Variants in MBNL2 observed in about 807,000 individuals in gnomAD.
The protein encoded by MBNL2 is muscleblind-like protein 2.
A neutral mutation model predicts 41.9 loss-of-function variants in MBNL2; 17 were observed. The observed-to-expected ratio is 0.41, with a 90% CI of 0.28 to 0.61. The LOEUF is 0.61. Ranked by LOEUF, MBNL2 falls within the 20% of genes least tolerant of loss-of-function variation. MBNL2 has a pLI of 0.35. For missense variants in MBNL2, 336 were observed against 505.6 expected, an observed-to-expected ratio of 0.66 and a Z score of 3.22; for synonymous variants, 195 against 182.9, an observed-to-expected ratio of 1.07 and a Z score of -0.53.
chr13:97,265,837 C>G (rs1324728802), intron 1 of MBNL2, among the ~76,000 whole-genome samples: 1 of 152,050 alleles, frequency 6.6e-6, no homozygotes, highest in Non-Finnish European at 1.5e-5. Context: ...TCAGATAGAG[C>G]AGGTGACATC....
At chr13:97,340,063 G>A (rs2061326953) in intron 3 of MBNL2, among the ~76,000 whole-genome samples, 1 of 152,198 alleles carries the variant, frequency 6.6e-6, no homozygotes, top group Admixed American at 6.5e-5. Context: ...CACCTGGAAG[G>A]CTGAGCAATT....
chr13:97,334,203 T>A lies in MBNL2; in HGVS notation c.175-73T>A. The A allele has an allele frequency of 8.5e-7, 1 of 1,170,764 alleles. No individual in the cohort carries two copies. The highest frequency in any genetic ancestry group is 1.2e-6 in the Non-Finnish European group (1 of 814,008). The allele number at this position is 1,170,764 out of a possible 1,614,324, so 72.5% of individuals were successfully genotyped here. ...GATCCTTGCTTTTGTGCATAAGAAG[T>A]GATTGTTCAGTGGTTGACTTTGGAG... On this transcript the variant is annotated intron_variant, in intron 2 of 8. Transcript: ENST00000679496. The surrounding 1 kb of genome is among the most constrained non-coding windows in gnomAD (Gnocchi z 5.3).
chr13:97,257,027 G>GCCA (rs1422707468), intron 1 of MBNL2, among the ~76,000 whole-genome samples: 2 of 152,154 alleles, frequency 1.3e-5, no homozygotes, highest in Non-Finnish European at 2.9e-5. Flanking sequence ...CTTTAAATCG[G>GCCA]AAAGCATTAC....
chr13:97,263,910 G>A (rs2049170104), intron 1 of MBNL2, among the ~76,000 whole-genome samples: 1 of 151,980 alleles, frequency 6.6e-6, no homozygotes, highest in South Asian at 2.1e-4. Flanking sequence ...GAGGCACTGT[G>A]CCCAGCCTTA....
chr13:97,362,202 T>G (rs919061071), intron 7 of MBNL2, among the ~76,000 whole-genome samples: 6 of 152,194 alleles, frequency 3.9e-5, no homozygotes, highest in African/African-American at 1.2e-4. Context: ...ATCCCATATT[T>G]GAAAATCTGA....
chr13:97,232,182 G>C lies in MBNL2; in HGVS notation c.-605+9651G>C, dbSNP rs80011331. Among the ~76,000 whole-genome samples, 46 of 152,244 alleles carry C rather than the reference G, an allele frequency of 3.0e-4. No individual in the cohort carries two copies. The East Asian group carries it at 8.7e-3, about 29-fold the overall frequency. On this transcript the variant is annotated intron_variant, in intron 1 of 8. Coordinates refer to ENST00000679496, the MANE Select transcript of MBNL2 (RefSeq NM_001382683.1). Reference sequence around the variant, plus strand: ...TTGTTGAGTCTCATACCTTGTTATAGGTCATCCATCTCGTGCCCCTGTCTG... The same window carrying C: ...TTGTTGAGTCTCATACCTTGTTATACGTCATCCATCTCGTGCCCCTGTCTG...
intron 2 of MBNL2, among the ~76,000 whole-genome samples, chr13:97,305,820 CAG>C (rs1368149449): frequency 6.6e-5 from 10 of 152,052 alleles, no homozygotes; most frequent in South Asian, 2.1e-4. Flanking sequence ...TATTTTTTGT[CAG>C]AGTCTCATGA....
chr13:97,188,994 T>G, the MBNL2 span, among the ~76,000 whole-genome samples: 1 of 152,144 alleles, frequency 6.6e-6, no homozygotes, highest in Non-Finnish European at 1.5e-5. Context: ...TTTGAACAAT[T>G]CATACATCCC....
chr13:97,234,341 G>C (rs1250369432), intron 1 of MBNL2, among the ~76,000 whole-genome samples: 1 of 152,126 alleles, frequency 6.6e-6, no homozygotes, highest in Non-Finnish European at 1.5e-5. Context: ...CCTAATTCAT[G>C]ATAGAATACC....
intron 1 of MBNL2, among the ~76,000 whole-genome samples, chr13:97,243,724 C>T (rs1388112105): frequency 6.6e-6 from 1 of 152,138 alleles, no homozygotes; most frequent in East Asian, 1.9e-4. Flanking sequence ...TTCTCTCCTC[C>T]CCACCCTTGG....
At chr13:97,354,003 G>A (rs530253809) in intron 5 of MBNL2, among the ~76,000 whole-genome samples, 46 of 143,702 alleles carry the variant, frequency 3.2e-4, no homozygotes, top group Non-Finnish European at 6.1e-4. Flanking sequence ...CACTTGGTTC[G>A]ATTACCTTGA....
chr13:97,298,971 T>C (rs2057338988), intron 2 of MBNL2, among the ~76,000 whole-genome samples: 1 of 152,160 alleles, frequency 6.6e-6, no homozygotes, highest in Non-Finnish European at 1.5e-5. Context: ...CAAGCTGTAA[T>C]CTCATAGTAT....
chr13:97,210,968 G>C, the MBNL2 span, among the ~76,000 whole-genome samples: 1 of 152,046 alleles, frequency 6.6e-6, no homozygotes, highest in Non-Finnish European at 1.5e-5. Flanking sequence ...ATGGAGAAGA[G>C]GGGTGGTGAA....
rs540201761 is a variant in MBNL2 at position 97,348,520 on chromosome 13, T to C, written c.804+1453T>C. On this transcript the variant is annotated intron_variant, in intron 5 of 8. Coordinates refer to ENST00000679496, the MANE Select transcript of MBNL2 (RefSeq NM_001382683.1). The stretch of plus-strand genomic sequence containing the variant: ...ATATGTGATAGGCACTATGCATTCA[T>C]TCTTTCAAAAAATTTTATGAGACCA... Among the ~76,000 whole-genome samples the C allele has an allele frequency of 2.6e-4, 39 of 152,328 alleles. No homozygotes were observed. The South Asian group carries it at 7.7e-3, about 30-fold the overall frequency.
At chr13:97,294,196 A>G (rs1476577211) in intron 2 of MBNL2, among the ~76,000 whole-genome samples, 1 of 152,164 alleles carries the variant, frequency 6.6e-6, no homozygotes, top group Non-Finnish European at 1.5e-5. Flanking sequence ...ACGCTTCTGT[A>G]TCTACCTTCC....
chr13:97,305,913 G>A (rs1203385035), intron 2 of MBNL2, among the ~76,000 whole-genome samples: 1 of 152,174 alleles, frequency 6.6e-6, no homozygotes, highest in African/African-American at 2.4e-5. Flanking sequence ...GCGGAACAGG[G>A]AGGAAGGGGA....
intron 8 of MBNL2, among the ~76,000 whole-genome samples, chr13:97,372,634 T>C (rs192452517): frequency 1.5e-3 from 236 of 152,342 alleles, no homozygotes; most frequent in Middle Eastern, 3.4e-3. Context: ...TGATCATCAA[T>C]TTCAATGATA....
chr13:97,179,714 G>A, the MBNL2 span: 1 of 152,218 alleles, frequency 6.6e-6, no homozygotes, highest in Admixed American at 6.5e-5. Flanking sequence ...TAAGAATGCT[G>A]CTGGGCCAGA....
chr13:97,240,145 G>A (rs192256688), intron 1 of MBNL2, among the ~76,000 whole-genome samples: 194 of 152,256 alleles, frequency 1.3e-3, no homozygotes, highest in African/African-American at 4.6e-3. Flanking sequence ...ATTCTGACTC[G>A]GGGAGTCTGA....
Sources: gnomAD v4.1 joint callset for allele counts (sites outside exome capture counted in the v4.1 genomes callset) on GRCh38, gnomAD v4.1.1 for gene constraint, Gnocchi (gnomAD v3.1) non-coding constraint, MANE v1.5 for transcripts, NCBI Gene and HGNC (gene_info 2026-07-23, HGNC 2026-07-21) for gene names.